Variants in CDH23 observed in about 807,000 individuals in gnomAD.
CDH23 encodes cadherin-23.
CDH23 carries 189 observed loss-of-function variants against 317.1 expected under a neutral mutation model. That is an observed-to-expected ratio of 0.60 (90% CI 0.53 to 0.67). The LOEUF is 0.67. Ranked by LOEUF, CDH23 falls within the 30% of genes least tolerant of loss-of-function variation. The probability of loss-of-function intolerance (pLI) is 0.00; values close to 1 mark genes in which losing one functional copy is unlikely to be tolerated. For synonymous variants in CDH23, 1,839 were observed against 1,876.8 expected, an observed-to-expected ratio of 0.98 and a Z score of 0.52; for missense variants, 4,401 against 4,592.4, an observed-to-expected ratio of 0.96 and a Z score of 1.20.
intron 38 of CDH23, among the ~76,000 whole-genome samples, chr10:71,745,687 G>C (rs1311502831): frequency 6.6e-6 from 1 of 152,204 alleles, no homozygotes; most frequent in South Asian, 2.1e-4. Context: ...AACCCCTCAG[G>C]GTTATGAATA....
At chr10:71,419,599 G>A (rs1247242645) in intron 1 of CDH23, among the ~76,000 whole-genome samples, 13 of 152,146 alleles carry the variant, frequency 8.5e-5, no homozygotes, top group Admixed American at 8.5e-4. Context: ...CAAAAGACTT[G>A]TCCAGTGAAC....
intron 6 of CDH23, among the ~76,000 whole-genome samples, chr10:71,537,067 A>T (rs1018151100): frequency 4.6e-5 from 7 of 151,792 alleles, no homozygotes; most frequent in Non-Finnish European, 1.0e-4. Flanking sequence ...GCTGGCGCTG[A>T]CCCTCCAACT....
chr10:71,771,259 G>C (rs1171480174), intron 38 of CDH23, among the ~76,000 whole-genome samples: 1 of 152,176 alleles, frequency 6.6e-6, no homozygotes, highest in South Asian at 2.1e-4. Flanking sequence ...CTCACCCTGA[G>C]TCAGGCCCAG....
At chr10:71,644,032 GTCA>G (rs1463538958) in intron 12 of CDH23, among the ~76,000 whole-genome samples, 166 bp downstream of exon 12, 1 of 152,258 alleles carries the variant, frequency 6.6e-6, no homozygotes, top group African/African-American at 2.4e-5. Context: ...AGGAGTTGGT[GTCA>G]CCTGTTCAAA....
intron 11 of CDH23, among the ~76,000 whole-genome samples, chr10:71,632,692 G>A (rs10762462): frequency 0.7 from 106,764 of 151,942 alleles, 38,795 homozygotes; most frequent in South Asian, 0.88. Context: ...GCAGCGGCCA[G>A]GTTCCATCTT....
intron 38 of CDH23, among the ~76,000 whole-genome samples, chr10:71,744,598 C>T (rs1251662143): frequency 1.3e-5 from 2 of 152,200 alleles, no homozygotes; most frequent in South Asian, 4.1e-4. Context: ...CATAAGCATT[C>T]CCACCTCACA....
intron 14 of CDH23, among the ~76,000 whole-genome samples, chr10:71,671,483 T>A (rs945837443): frequency 1.3e-5 from 2 of 152,166 alleles, no homozygotes; most frequent in African/African-American, 4.8e-5. Context: ...CCTCGAACCC[T>A]CCTTCCTAAA....
chr10:71,463,907 C>T (rs1851128761), intron 3 of CDH23, among the ~76,000 whole-genome samples: 1 of 152,012 alleles, frequency 6.6e-6, no homozygotes, highest in Non-Finnish European at 1.5e-5. Flanking sequence ...CTACCCAATA[C>T]CCAATCCCTG....
At chr10:71,501,761 C>T (rs1853346368) in intron 3 of CDH23, among the ~76,000 whole-genome samples, 1 of 152,224 alleles carries the variant, frequency 6.6e-6, no homozygotes, top group Admixed American at 6.5e-5. Flanking sequence ...CCAAGGCCAG[C>T]TCAGGCTCTG....
intron 6 of CDH23, among the ~76,000 whole-genome samples, chr10:71,561,094 T>A (rs1255268631): frequency 2.0e-5 from 3 of 152,134 alleles, no homozygotes; most frequent in Non-Finnish European, 4.4e-5. Context: ...TTTTTGTATG[T>A]CTTTTCCTCT....
Position 71,638,252 on chromosome 10 carries a change from G to A in CDH23, c.1135-5609G>A, listed in dbSNP as rs188904550. ...CCAGCCTGTTCCTCAACGTTGAACT[G>A]TGCTCTCTTAACATTGCGTCACGCC... On this transcript the variant is annotated intron_variant, in intron 11 of 69. Transcript: ENST00000224721. 1.1e-3 allele frequency among the ~76,000 whole-genome samples: 174 copies of A among 152,306 alleles called. 1 individual carries two copies. Among genetic ancestry groups the A allele is most frequent in the African/African-American group, 4.0e-3 (166 of 41,558 alleles).
intron 1 of CDH23, among the ~76,000 whole-genome samples, chr10:71,421,101 C>A (rs1370715256): frequency 1.3e-5 from 2 of 152,242 alleles, no homozygotes; most frequent in East Asian, 3.8e-4. Flanking sequence ...ATACTGCTCT[C>A]TTTAACCCCC....
chr10:71,649,475 A>G (rs972196157), intron 14 of CDH23, among the ~76,000 whole-genome samples: 2 of 152,168 alleles, frequency 1.3e-5, no homozygotes, highest in African/African-American at 2.4e-5. Context: ...GAAGGTGGTC[A>G]TTTAACATGG....
chr10:71,605,884 A>T (rs1589255819), intron 9 of CDH23, among the ~76,000 whole-genome samples: 2 of 152,328 alleles, frequency 1.3e-5, no homozygotes, highest in South Asian at 4.1e-4. Flanking sequence ...AATTCTCTCC[A>T]TGGCAGTGTA....
intron 6 of CDH23, among the ~76,000 whole-genome samples, chr10:71,539,790 C>T (rs1418385186): frequency 6.6e-6 from 1 of 151,890 alleles, no homozygotes; most frequent in Non-Finnish European, 1.5e-5. Context: ...TCCCATTTAC[C>T]CCTTTCTCTG....
chr10:71,476,400 C>T (rs570814556), intron 3 of CDH23, among the ~76,000 whole-genome samples: 122 of 152,200 alleles, frequency 8.0e-4, no homozygotes, highest in African/African-American at 2.7e-3. Context: ...ACCCAGGGCC[C>T]GGAGAAGGGA....
At chr10:71,744,538 C>T (rs1464873498) in intron 38 of CDH23, among the ~76,000 whole-genome samples, 1 of 152,218 alleles carries the variant, frequency 6.6e-6, no homozygotes, top group East Asian at 1.9e-4. Flanking sequence ...AAAAGAGTTT[C>T]CATCTGCTGG....
At chr10:71,498,504 G>C (rs930597119) in intron 3 of CDH23, among the ~76,000 whole-genome samples, 2 of 152,234 alleles carry the variant, frequency 1.3e-5, no homozygotes, top group African/African-American at 4.8e-5. Context: ...AGGTCTGCCC[G>C]CTGGACTGTC....
At chr10:71,727,644 C>T (rs919534242) in intron 30 of CDH23, among the ~76,000 whole-genome samples, 2 of 152,154 alleles carry the variant, frequency 1.3e-5, no homozygotes, top group Non-Finnish European at 2.9e-5. Flanking sequence ...CTGGGTGTCT[C>T]AGGGTGTTCA....
Sources: gnomAD v4.1 joint callset for allele counts (sites outside exome capture counted in the v4.1 genomes callset) on GRCh38, gnomAD v4.1.1 for gene constraint, MANE v1.5 for transcripts, NCBI Gene and HGNC (gene_info 2026-07-23, HGNC 2026-07-21) for gene names.